The following RYR3 variants were observed in gnomAD, a reference collection of about 807,000 sequenced individuals.
RYR3 encodes ryanodine receptor 3, also known as brain ryanodine receptor-calcium release channel.
Under a neutral mutation model 584.3 loss-of-function variants are expected in RYR3, and 207 were observed. The ratio of observed to expected loss-of-function variants is 0.35; its 90% CI spans 0.32 to 0.40. The LOEUF is 0.40. Among genes scored for constraint, RYR3 ranks in the 10% least tolerant of loss-of-function variants. The pLI, the probability that RYR3 is intolerant of heterozygous loss-of-function variation, is 1.00. For synonymous variants in RYR3, 2,416 were observed against 2,248.5 expected, an observed-to-expected ratio of 1.07 and a Z score of -2.11; for missense variants, 5,616 against 6,089.2, an observed-to-expected ratio of 0.92 and a Z score of 2.59.
intron 38 of RYR3, among the ~76,000 whole-genome samples, chr15:33,693,221 C>T (rs779791078): frequency 1.3e-5 from 2 of 152,250 alleles, no homozygotes; most frequent in African/African-American, 2.4e-5. Flanking sequence ...TGCATCCATA[C>T]GTATTGGTGG....
chr15:33,755,580 G>C (rs1325931966), intron 58 of RYR3, among the ~76,000 whole-genome samples: 1 of 152,184 alleles, frequency 6.6e-6, no homozygotes, highest in Non-Finnish European at 1.5e-5. Flanking sequence ...TCGTGCCATT[G>C]CACTCCAGCC....
chr15:33,857,543 C>G (rs1294575387), intron 98 of RYR3, among the ~76,000 whole-genome samples: 1 of 152,014 alleles, frequency 6.6e-6, no homozygotes, highest in Non-Finnish European at 1.5e-5. Context: ...ACAATTCAGC[C>G]CCCAACACCC....
At chr15:33,799,010 G>A (rs1004537513) in intron 67 of RYR3, among the ~76,000 whole-genome samples, 1 of 152,128 alleles carries the variant, frequency 6.6e-6, no homozygotes, top group Non-Finnish European at 1.5e-5. Flanking sequence ...CCCTACATGA[G>A]GCAAGAGGCA....
intron 16 of RYR3, among the ~76,000 whole-genome samples, chr15:33,587,228 C>T (rs572965904): frequency 6.6e-6 from 1 of 152,168 alleles, no homozygotes; most frequent in Non-Finnish European, 1.5e-5. Context: ...ATGAAGCTTC[C>T]GCTTCAGTCC....
At chr15:33,855,193 A>C (rs1430227705) in intron 98 of RYR3, among the ~76,000 whole-genome samples, 1 of 149,718 alleles carries the variant, frequency 6.7e-6, no homozygotes, top group Admixed American at 6.6e-5. Context: ...TGTCAGAATG[A>C]CCTTGGAGAT....
chr15:33,336,433 A>AGAAG (rs1970992133), intron 1 of RYR3, among the ~76,000 whole-genome samples: 1 of 21,264 alleles, frequency 4.7e-5, no homozygotes, highest in Non-Finnish European at 7.7e-5. Flanking sequence ...AAAGAAAGAA[A>AGAAG]GAAAGAAAGA....
chr15:33,835,502 C>G (rs570145797), intron 87 of RYR3, among the ~76,000 whole-genome samples: 1 of 152,138 alleles, frequency 6.6e-6, no homozygotes, highest in African/African-American at 2.4e-5. Context: ...GTCTCTGCCT[C>G]TCCTTCTCAC....
intron 5 of RYR3, 179 bp from the exon 6 acceptor site, chr15:33,539,171 T>C (rs1262027558): frequency 2.1e-6 from 1 of 485,346 alleles, no homozygotes; most frequent in Non-Finnish European, 3.7e-6. Context: ...ATGACAGACA[T>C]AGTCAAGAGC....
chr15:33,338,875 C>T lies in RYR3; in HGVS notation c.51+27779C>T, dbSNP rs113090849. ...CCTTGAAAAATACAAACTTCGTTTC[C>T]TCTTAAAAACAAGCAAAACTAAACA... On this transcript the variant is annotated intron_variant, in intron 1 of 103. Coordinates refer to ENST00000634891, the MANE Select transcript of RYR3 (RefSeq NM_001036.6). 7.9e-3 allele frequency among the ~76,000 whole-genome samples: 1,202 copies of T among 152,196 alleles called. 8 individuals carry two copies. The highest frequency in any genetic ancestry group is 0.013 in the Non-Finnish European group (886 of 68,026).
At chr15:33,624,055 A>G in intron 20 of RYR3, 32 bp downstream of exon 20, 1 of 1,409,298 alleles carries the variant, frequency 7.1e-7, no homozygotes, top group South Asian at 1.2e-5. Flanking sequence ...AAGGCAACCA[A>G]TATAGATGAA....
chr15:33,401,407 T>A lies in RYR3; in HGVS notation c.52-72012T>A, dbSNP rs140029977. Among the ~76,000 whole-genome samples, 1,038 of 152,314 alleles carry A rather than the reference T, an allele frequency of 6.8e-3. 6 individuals are homozygous for A. Among genetic ancestry groups the A allele is most frequent in the Middle Eastern group, 0.014 (4 of 294 alleles). ...CAAGTACACTGTATAGTGCATGAAT[T>A]TAAGTCACCTGGTAAAATCCTCTGA... is the stretch of plus-strand genomic sequence containing the variant. On this transcript the variant is annotated intron_variant, in intron 1 of 103. Coordinates refer to ENST00000634891, the MANE Select transcript of RYR3 (RefSeq NM_001036.6).
chr15:33,395,186 C>G (rs1334182433), intron 1 of RYR3, among the ~76,000 whole-genome samples: 1 of 152,230 alleles, frequency 6.6e-6, no homozygotes, highest in African/African-American at 2.4e-5. Flanking sequence ...TTGTGGAAAA[C>G]TAGTGCCCGT....
At chr15:33,721,158 C>T (rs1342973138) in intron 43 of RYR3, among the ~76,000 whole-genome samples, 1 of 152,184 alleles carries the variant, frequency 6.6e-6, no homozygotes, top group African/African-American at 2.4e-5. Context: ...TGTGGGAAGC[C>T]AGCTGCCACA....
chr15:33,480,122 C>T (rs2049825833), intron 2 of RYR3, among the ~76,000 whole-genome samples: 1 of 152,152 alleles, frequency 6.6e-6, no homozygotes, highest in South Asian at 2.1e-4. Context: ...GTTTATCTGA[C>T]TTTTCTTCTG....
chr15:33,862,727 C>T (rs746110803), intron 102 of RYR3, among the ~76,000 whole-genome samples: 3 of 152,142 alleles, frequency 2.0e-5, no homozygotes, highest in Non-Finnish European at 4.4e-5. Flanking sequence ...TCTCCTGCCT[C>T]AGCCTCCTGA....
chr15:33,708,507 A>G (rs1046166005), intron 43 of RYR3, among the ~76,000 whole-genome samples: 10 of 152,156 alleles, frequency 6.6e-5, no homozygotes, highest in Non-Finnish European at 1.3e-4. Context: ...ACTCTAGACC[A>G]AAAGGTTTGG....
chr15:33,769,506 T>G (rs2073393475), intron 62 of RYR3, among the ~76,000 whole-genome samples: 1 of 151,374 alleles, frequency 6.6e-6, no homozygotes, highest in South Asian at 2.1e-4. Context: ...ACCACAGCGC[T>G]CTGAATTCAA....
At chr15:33,462,222 T>G (rs1376408649) in intron 1 of RYR3, among the ~76,000 whole-genome samples, 1 of 152,202 alleles carries the variant, frequency 6.6e-6, no homozygotes, top group Admixed American at 6.5e-5. Flanking sequence ...GTTCCCTGGT[T>G]ATTAGATTTT....
chr15:33,581,477 T>C, intron 13 of RYR3, 31 bp from the exon 14 acceptor site: 1 of 1,609,108 alleles, frequency 6.2e-7, no homozygotes, highest in South Asian at 1.1e-5. Flanking sequence ...TAATCAGCAA[T>C]GTTTACATTT....
Sources: gnomAD v4.1 joint callset for allele counts (sites outside exome capture counted in the v4.1 genomes callset) on GRCh38, gnomAD v4.1.1 for gene constraint, MANE v1.5 for transcripts, NCBI Gene and HGNC (gene_info 2026-07-23, HGNC 2026-07-21) for gene names.